CPVL: variants seen among roughly 807,000 people sequenced by gnomAD.
The protein encoded by CPVL is probable serine carboxypeptidase CPVL.
A neutral mutation model predicts 63.7 loss-of-function variants in CPVL; 51 were observed. The observed-to-expected ratio is 0.80, with a 90% CI of 0.64 to 1.01. CPVL has a LOEUF of 1.01. CPVL is among the 50% of genes least tolerant of loss of function. The pLI is 0.00. For missense variants in CPVL, 530 were observed against 573.1 expected (o/e 0.92, Z 0.77); for synonymous variants, 195 against 206.0 (o/e 0.95, Z 0.46).
At chr7:29,044,582 C>T (rs557436265) in intron 11 of CPVL, among the ~76,000 whole-genome samples, 1 of 152,310 alleles carries the variant, frequency 6.6e-6, no homozygotes, top group East Asian at 1.9e-4. Context: ...TTTAAAACAT[C>T]TACGTCGACT....
chr7:29,127,518 G>C (rs1307027198), intron 1 of CPVL: 1 of 152,224 alleles, frequency 6.6e-6, no homozygotes, highest in Non-Finnish European at 1.5e-5. Flanking sequence ...AAGTGGTAAA[G>C]CAAGGAACTG....
At chr7:29,062,026 C>T (rs189877377) in intron 11 of CPVL, among the ~76,000 whole-genome samples, 151 of 152,114 alleles carry the variant, frequency 9.9e-4, no homozygotes, top group Admixed American at 3.1e-3. Context: ...TATCTGCTCT[C>T]CTCTCAAAAA....
At chr7:29,035,401 G>C (rs562094626) in intron 11 of CPVL, among the ~76,000 whole-genome samples, 1 of 152,302 alleles carries the variant, frequency 6.6e-6, no homozygotes, top group Non-Finnish European at 1.5e-5. Flanking sequence ...TAACCATTTA[G>C]TGCTACCAAA....
chr7:28,996,282 T>C (rs149929165), intron 12 of CPVL: 1 of 159,696 alleles, frequency 6.3e-6, no homozygotes, highest in Non-Finnish European at 1.4e-5. Context: ...ATGGGGTGGA[T>C]TGTCTACTTA....
intron 1 of CPVL, among the ~76,000 whole-genome samples, chr7:29,131,301 T>G (rs1328726354): frequency 1.3e-5 from 2 of 152,178 alleles, no homozygotes; most frequent in African/African-American, 4.8e-5. Flanking sequence ...TTGGGAACAA[T>G]GAATGAGAAC....
chr7:29,142,723 A>C (rs1352285962), intron 1 of CPVL, among the ~76,000 whole-genome samples: 4 of 151,778 alleles, frequency 2.6e-5, no homozygotes, highest in Non-Finnish European at 5.9e-5. Flanking sequence ...ACAGGGTTTC[A>C]CCATGTTGGC....
intron 11 of CPVL, among the ~76,000 whole-genome samples, chr7:29,059,463 A>G (rs552585264): frequency 6.6e-6 from 1 of 152,320 alleles, no homozygotes; most frequent in Non-Finnish European, 1.5e-5. Flanking sequence ...AATATTAGCA[A>G]TCCAAATTCA....
chr7:29,079,333 G>T (rs1373906139), intron 7 of CPVL, among the ~76,000 whole-genome samples: 2 of 152,172 alleles, frequency 1.3e-5, no homozygotes, highest in African/African-American at 4.8e-5. Flanking sequence ...GAACAAGGCT[G>T]CACCACTAGC....
chr7:29,162,463 A>C (rs772761398), intron 5 of CPVL, among the ~76,000 whole-genome samples: 1 of 152,140 alleles, frequency 6.6e-6, no homozygotes, highest in Non-Finnish European at 1.5e-5. Flanking sequence ...GGAGTTCAAG[A>C]CCAGTCTGAC....
chr7:29,039,166 TC>T (rs1413836672), intron 11 of CPVL, among the ~76,000 whole-genome samples: 1 of 152,240 alleles, frequency 6.6e-6, no homozygotes, highest in Non-Finnish European at 1.5e-5. Context: ...AAAATGCTAG[TC>T]CTTTTAACAA....
chr7:29,103,675 A>G (rs1225252419), intron 3 of CPVL, among the ~76,000 whole-genome samples: 1 of 152,158 alleles, frequency 6.6e-6, no homozygotes, highest in Admixed American at 6.5e-5. Context: ...GCATCTGCCA[A>G]TCTTCAGGAC....
chr7:29,076,802 T>A (rs62442647), intron 7 of CPVL, among the ~76,000 whole-genome samples: 2,656 of 152,312 alleles, frequency 0.017, 36 homozygotes, highest in African/African-American at 0.046. Flanking sequence ...ATCAGAAGGA[T>A]CTCAGAATTC....
intron 7 of CPVL, among the ~76,000 whole-genome samples, chr7:29,086,240 C>A (rs1212051343): frequency 6.6e-6 from 1 of 151,850 alleles, no homozygotes; most frequent in African/African-American, 2.4e-5. Flanking sequence ...TGCAGTGAGC[C>A]GAGATCACGC....
intron 1 of CPVL, among the ~76,000 whole-genome samples, chr7:29,135,031 G>A (rs1324627965): frequency 6.6e-6 from 1 of 150,440 alleles, no homozygotes; most frequent in African/African-American, 2.5e-5. Context: ...TGGGCCCCAG[G>A]AGGTCAAGGC....
intron 12 of CPVL, among the ~76,000 whole-genome samples, chr7:29,028,966 CAAAAA>C (rs59054295): frequency 1.1e-5 from 1 of 88,542 alleles, no homozygotes; most frequent in Non-Finnish European, 2.3e-5. Context: ...GACTCCATCT[CAAAAA>C]AAAAAAAAAA....
In CPVL at chr7:29,120,979, T is replaced by C. The variant is rs1183293178; in HGVS notation, c.83A>G (p.Tyr28Cys). The C allele has an allele frequency of 3.7e-6, 6 of 1,613,822 alleles. No individual in the cohort carries two copies. Among genetic ancestry groups the C allele is most frequent in the South Asian group, 1.1e-5 (1 of 91,040 alleles). The change falls in exon 2 of 13, where the codon TAC becomes TGC. Residue 28 changes from tyrosine to cysteine, a missense_variant. By Grantham distance (194) the Tyr-to-Cys change is radical. Transcript: ENST00000265394. ...GPCDGLFRSLYRSVSMPPKGD... is the reference protein window; with the variant it reads ...GPCDGLFRSLCRSVSMPPKGD... The stretch of plus-strand genomic sequence containing the variant: ...CTTAGGTGGCATGGAAACACTTCTG[T>C]ATAGGGAGCGAAACAGCCCATCACA...
intron 1 of CPVL, chr7:29,192,099 G>A (rs1346443785): frequency 2.0e-5 from 3 of 152,168 alleles, no homozygotes; most frequent in Non-Finnish European, 4.4e-5. Flanking sequence ...AAAATAATGG[G>A]TGTCAAAGTT....
chr7:29,161,341 G>C (rs1795151706), intron 5 of CPVL, among the ~76,000 whole-genome samples: 3 of 151,968 alleles, frequency 2.0e-5, no homozygotes. Context: ...TCTTTCTCCT[G>C]GTCAGGAAAA....
chr7:29,089,119 G>A (rs1785511853), intron 6 of CPVL, among the ~76,000 whole-genome samples: 1 of 152,160 alleles, frequency 6.6e-6, no homozygotes, highest in Non-Finnish European at 1.5e-5. Flanking sequence ...CTAAGGACTT[G>A]TCTCATAAAC....
Sources: allele counts gnomAD v4.1 joint callset (sites outside exome capture counted in the v4.1 genomes callset), GRCh38; gene constraint gnomAD v4.1.1; transcripts MANE v1.5; gene names NCBI Gene and HGNC (gene_info 2026-07-23, HGNC 2026-07-21).